NAA15: variants seen among roughly 807,000 people sequenced by gnomAD.
NAA15 encodes the protein N-terminal acetyltransferase.
Under a neutral mutation model 114.0 loss-of-function variants are expected in NAA15, and 34 were observed. That is an observed-to-expected ratio of 0.30 (90% CI 0.23 to 0.40). The LOEUF is 0.40. NAA15 is among the 10% of genes least tolerant of loss of function. The pLI is 1.00. For synonymous variants in NAA15, 340 were observed against 338.0 expected (o/e 1.01, Z -0.06); for missense variants, 658 against 1,004.5 (o/e 0.66, Z 4.66).
intron 1 of NAA15, among the ~76,000 whole-genome samples, chr4:139,320,643 C>G (rs2110862257): frequency 6.6e-6 from 1 of 152,308 alleles, no homozygotes; most frequent in South Asian, 2.1e-4. Context: ...GCCTCTGCCT[C>G]CTGAGCCGCT....
In NAA15 at chr4:139,361,927, A is replaced by G; in HGVS notation, c.1743A>G (p.Glu581=). The change falls in exon 14 of 20, where the codon GAA becomes GAG. Residue 581 remains glutamate, a synonymous_variant. Transcript: ENST00000296543. ...TTACAGATGAGAATAAAGAACACGA[A>G]GCTGATACAGGTATAATATTCAGAG... is the stretch of plus-strand genomic sequence containing the variant. ...NPLTDENKEH[E]ADTANMSDKE... The G allele has an allele frequency of 1.2e-6, 2 of 1,606,814 alleles. No individual in the cohort carries two copies. Among genetic ancestry groups the G allele is most frequent in the Non-Finnish European group, 1.7e-6 (2 of 1,176,262 alleles).
At chr4:139,332,337 G>A (rs1021718539) in intron 1 of NAA15, among the ~76,000 whole-genome samples, 2 of 151,958 alleles carry the variant, frequency 1.3e-5, no homozygotes, top group African/African-American at 4.8e-5. Context: ...CACCATGTTG[G>A]CCTGGCTGGT....
Position 139,301,637 on chromosome 4 carries a change from C to T in NAA15, c.-141C>T. ...AAAAGGAGGTGTCCGGGTAGGGCAA[C>T]GCGGCGACACCCGAGGCCTGGTGGT... On this transcript the variant is annotated 5_prime_UTR_variant, in exon 1 of 20. In the 5' UTR this introduces an upstream ATG that the reference lacks. Transcript: ENST00000296543. The T allele has an allele frequency of 1.1e-6, 1 of 922,504 alleles. No individual in the cohort carries two copies. Among genetic ancestry groups the T allele is most frequent in the Non-Finnish European group, 1.6e-6 (1 of 614,748 alleles). 57.1% of individuals were successfully genotyped at this position (922,504 alleles called of 1,614,324 possible). A position where few individuals can be genotyped will look rare whatever the true frequency, so the allele number is the denominator to read the frequency against.
chr4:139,310,016 TG>T (rs1431232286), intron 1 of NAA15, among the ~76,000 whole-genome samples: 2 of 152,106 alleles, frequency 1.3e-5, no homozygotes, highest in Non-Finnish European at 2.9e-5. Flanking sequence ...TCGGTGTGAT[TG>T]GGGGACTGGA....
intron 10 of NAA15, 42 bp from the exon 11 acceptor site, chr4:139,357,344 A>G (rs1747989980): frequency 3.1e-6 from 5 of 1,587,756 alleles, no homozygotes; most frequent in Non-Finnish European, 4.3e-6. Flanking sequence ...CTCTTAATAT[A>G]TGTAATGCCT....
At chr4:139,378,734 A>G (rs1324828219) in intron 16 of NAA15, 22 bp from the exon 17 acceptor site, 2 of 1,471,808 alleles carry the variant, frequency 1.4e-6, no homozygotes, top group Admixed American at 2.2e-5. Flanking sequence ...ATCAAAATAT[A>G]TCTTACTTTC....
chr4:139,362,403 A>G (rs1675167236), intron 14 of NAA15, among the ~76,000 whole-genome samples: 1 of 152,100 alleles, frequency 6.6e-6, no homozygotes, highest in African/African-American at 2.4e-5. Context: ...CCTTCTGAGT[A>G]GCTGGGATTA....
rs1027525153 is a variant in NAA15 at position 139,361,896 on chromosome 4, A to G, written c.1712A>G (p.Asn571Ser). ...AIEIYLKLHDNPLTDENKEHE... is the reference protein window; with the variant it reads ...AIEIYLKLHDSPLTDENKEHE... ...GAGATCTATTTGAAGCTTCATGACA[A>G]CCCCCTTACAGATGAGAATAAAGAA... Residue 571 changes from asparagine to serine, a missense_variant, in exon 14 of 20, where the codon AAC (asparagine) becomes AGC (serine). This residue lies in a region of NAA15 where 275 missense variants were observed against 371.1 expected (regional missense o/e 0.74). Coordinates refer to ENST00000296543, the MANE Select transcript of NAA15 (RefSeq NM_057175.5). The G allele has an allele frequency of 1.2e-6, 2 of 1,613,540 alleles. No homozygotes were observed. Among genetic ancestry groups the G allele is most frequent in the Non-Finnish European group, 1.7e-6 (2 of 1,179,740 alleles).
chr4:139,332,627 G>A (rs1471612315), intron 1 of NAA15, among the ~76,000 whole-genome samples: 20 of 120,104 alleles, frequency 1.7e-4, no homozygotes, highest in African/African-American at 4.7e-4. Flanking sequence ...CTGTTGCCCA[G>A]GCTGGAGTGT....
chr4:139,304,238 TA>T (rs754231012), intron 1 of NAA15, among the ~76,000 whole-genome samples: 16 of 152,374 alleles, frequency 1.1e-4, no homozygotes, highest in Middle Eastern at 3.4e-3. Context: ...ACTTTTTAAA[TA>T]AATCAAACTT....
At chr4:139,375,213 C>T (rs576931259) in intron 15 of NAA15, among the ~76,000 whole-genome samples, 2 of 152,154 alleles carry the variant, frequency 1.3e-5, no homozygotes, top group African/African-American at 2.4e-5. Flanking sequence ...GTGGGGAAGT[C>T]GTACCTATGA....
chr4:139,348,668 AAT>A (rs1747681126), intron 6 of NAA15, among the ~76,000 whole-genome samples: 1 of 152,216 alleles, frequency 6.6e-6, no homozygotes, highest in African/African-American at 2.4e-5. Flanking sequence ...GCTCATATAT[AAT>A]AGTGAAACCA....
intron 1 of NAA15, among the ~76,000 whole-genome samples, chr4:139,320,128 A>G (rs866977717): frequency 3.3e-5 from 5 of 152,056 alleles, no homozygotes; most frequent in African/African-American, 1.2e-4. Flanking sequence ...GCAAGTTGAG[A>G]TTTTCCTCTT....
chr4:139,329,895 CT>C (rs558842431), intron 1 of NAA15, among the ~76,000 whole-genome samples: 108 of 152,248 alleles, frequency 7.1e-4, no homozygotes, highest in African/African-American at 2.5e-3. Context: ...TGGGATCCTT[CT>C]TCCTGTGCTG....
intron 15 of NAA15, among the ~76,000 whole-genome samples, chr4:139,371,768 C>T (rs1490400068): frequency 1.3e-5 from 2 of 152,052 alleles, no homozygotes; most frequent in African/African-American, 4.8e-5. Context: ...TCTTTATGCC[C>T]CCACTTTCTT....
intron 6 of NAA15, among the ~76,000 whole-genome samples, chr4:139,347,059 C>T (rs1412394121): frequency 1.3e-5 from 2 of 152,054 alleles, no homozygotes; most frequent in Non-Finnish European, 2.9e-5. Flanking sequence ...AGGTGCGAAC[C>T]ATCGTACTCA....
At chr4:139,354,660 G>T (rs1019600418) in intron 10 of NAA15, among the ~76,000 whole-genome samples, 11 of 152,238 alleles carry the variant, frequency 7.2e-5, no homozygotes, top group African/African-American at 2.4e-4. Flanking sequence ...AAAACTAAAT[G>T]CAACAGTATA....
intron 4 of NAA15, among the ~76,000 whole-genome samples, chr4:139,342,599 A>G (rs753686795): frequency 6.7e-6 from 1 of 150,246 alleles, no homozygotes; most frequent in Non-Finnish European, 1.5e-5. Flanking sequence ...ACAGGCGTGC[A>G]CCACCATGCC....
At chr4:139,321,375 A>G (rs1746600330) in intron 1 of NAA15, among the ~76,000 whole-genome samples, 1 of 151,156 alleles carries the variant, frequency 6.6e-6, no homozygotes. Flanking sequence ...TGTTTCCCAT[A>G]CTAGTTTCAA....
Sources: gnomAD v4.1 joint callset for allele counts (sites outside exome capture counted in the v4.1 genomes callset) on GRCh38, gnomAD v4.1.1 for gene constraint, gnomAD v4.1.1 regional missense constraint, MANE v1.5 for transcripts, NCBI Gene and HGNC (gene_info 2026-07-23, HGNC 2026-07-21) for gene names.